Variants in ELP4 observed in about 807,000 individuals in gnomAD.
The protein encoded by ELP4 is elongator complex protein 4.
ELP4 carries 51 observed loss-of-function variants against 48.9 expected under a neutral mutation model. The ratio of observed to expected loss-of-function variants is 1.04; its 90% CI spans 0.83 to 1.32. The LOEUF (loss-of-function observed/expected upper bound fraction) is 1.32. ELP4 is among the 40% of genes most tolerant of loss of function. The pLI is 0.00. For missense variants in ELP4, 519 were observed against 514.6 expected (o/e 1.01, Z -0.08); for synonymous variants, 210 against 189.2 (o/e 1.11, Z -0.90).
At chr11:31,650,331 T>C in intron 9 of ELP4, 110 bp downstream of exon 9, 1 of 475,430 alleles carries the variant, frequency 2.1e-6, no homozygotes, top group Non-Finnish European at 3.8e-6. Context: ...AATGAAATTC[T>C]TAGGACATGT....
At chr11:31,606,567 A>G (rs1289941707) in intron 5 of ELP4, among the ~76,000 whole-genome samples, 1 of 152,214 alleles carries the variant, frequency 6.6e-6, no homozygotes, top group Admixed American at 6.5e-5. Context: ...AAATTCATAC[A>G]TACAGTTTAA....
intron 5 of ELP4, among the ~76,000 whole-genome samples, chr11:31,623,390 T>TATTATATATATATATATAA (rs67986763): frequency 2.2e-5 from 2 of 92,610 alleles, no homozygotes; most frequent in South Asian, 3.3e-4. Context: ...TATATATATA[T>TATTATATATATATATATAA]AAAACTAGAA....
intron 9 of ELP4, among the ~76,000 whole-genome samples, chr11:31,705,930 G>A (rs768009040): frequency 2.0e-5 from 3 of 152,066 alleles, no homozygotes; most frequent in Non-Finnish European, 2.9e-5. Context: ...ATAGCTCACT[G>A]TAACCTCAAA....
At chr11:31,576,570 A>T (rs956552563) in intron 3 of ELP4, among the ~76,000 whole-genome samples, 5 of 152,208 alleles carry the variant, frequency 3.3e-5, no homozygotes, top group Admixed American at 1.3e-4. Flanking sequence ...ATGTAAAAGA[A>T]CATAAATTAT....
chr11:31,548,923 G>T (rs1180686788), intron 3 of ELP4, among the ~76,000 whole-genome samples: 1 of 152,056 alleles, frequency 6.6e-6, no homozygotes. Flanking sequence ...TGGGAAAACT[G>T]GCTAGCCATA....
intron 7 of ELP4, among the ~76,000 whole-genome samples, chr11:31,640,441 A>C (rs1945071290): frequency 6.6e-6 from 1 of 151,956 alleles, no homozygotes; most frequent in African/African-American, 2.4e-5. Context: ...CATGCTTGTA[A>C]ACAATTACAA....
chr11:31,655,677 T>C (rs1424488679), intron 9 of ELP4, among the ~76,000 whole-genome samples: 1 of 151,992 alleles, frequency 6.6e-6, no homozygotes, highest in African/African-American at 2.4e-5. Flanking sequence ...AATCATGCGG[T>C]ATTAAAGTTA....
At chr11:31,665,599 T>C (rs1006585760) in intron 9 of ELP4, among the ~76,000 whole-genome samples, 1 of 151,764 alleles carries the variant, frequency 6.6e-6, no homozygotes, top group South Asian at 2.1e-4. Flanking sequence ...TCTTGCCAGT[T>C]CTTGAAACAT....
intron 9 of ELP4, among the ~76,000 whole-genome samples, chr11:31,738,877 G>C (rs1947383724): frequency 6.6e-6 from 1 of 152,136 alleles, no homozygotes; most frequent in African/African-American, 2.4e-5. Flanking sequence ...CAGTCAAACA[G>C]TCAAAAGCAG....
At chr11:31,616,240 A>G (rs1944480495) in intron 5 of ELP4, among the ~76,000 whole-genome samples, 2 of 152,108 alleles carry the variant, frequency 1.3e-5, no homozygotes, top group South Asian at 4.1e-4. Flanking sequence ...ATAAGGACAG[A>G]TACACAAACC....
chr11:31,644,227 AACAT>A lies in ELP4; in HGVS notation c.928-3506_928-3503del, dbSNP rs146607484. On this transcript the variant is annotated intron_variant, in intron 7 of 9. Transcript: ENST00000640961. ...GTACATACTTGGGTGATGTCATTAT[AACAT>A]ACATACACCATAAGCATTAATTTAC... Among the ~76,000 whole-genome samples the A allele has an allele frequency of 7.2e-5, 11 of 151,984 alleles. No homozygotes were observed. In the East Asian group the frequency reaches 2.1e-3, roughly 30 times the overall value.
chr11:31,758,273 G>A (rs904555355), intron 9 of ELP4, among the ~76,000 whole-genome samples: 2 of 152,128 alleles, frequency 1.3e-5, no homozygotes, highest in African/African-American at 2.4e-5. Flanking sequence ...TAAATTCCTC[G>A]AGGATTTTTT....
chr11:31,685,852 A>G lies in ELP4; in HGVS notation c.1143+35631A>G, dbSNP rs960478624. 1.6e-4 allele frequency among the ~76,000 whole-genome samples: 25 copies of G among 151,886 alleles called. 1 individual carries two copies. Among genetic ancestry groups the G allele is most frequent in the Admixed American group, 9.2e-4 (14 of 15,242 alleles). ...AGGCTGAGGCAGGAGAATCACTTCAACCTGGGAGGCGGAGGTTACAGTGAT... is the reference window on the plus strand; with the variant it reads ...AGGCTGAGGCAGGAGAATCACTTCAGCCTGGGAGGCGGAGGTTACAGTGAT... On this transcript the variant is annotated intron_variant, in intron 9 of 9. Transcript: ENST00000640961.
intron 2 of ELP4, among the ~76,000 whole-genome samples, chr11:31,532,936 T>C (rs1956422450): frequency 6.6e-6 from 1 of 151,954 alleles, no homozygotes; most frequent in Non-Finnish European, 1.5e-5. Context: ...CACGCCTGGC[T>C]AATTTTGTAT....
chr11:31,643,107 G>A (rs1945131817), intron 7 of ELP4, among the ~76,000 whole-genome samples: 2 of 151,520 alleles, frequency 1.3e-5, no homozygotes, highest in African/African-American at 4.8e-5. Context: ...TTTCTTGTGG[G>A]TACTCCCCTC....
chr11:31,684,107 G>C (rs1052904432), intron 9 of ELP4, among the ~76,000 whole-genome samples: 1 of 151,984 alleles, frequency 6.6e-6, no homozygotes, highest in East Asian at 1.9e-4. Flanking sequence ...ATATAAATTG[G>C]TATGTCACTT....
intron 2 of ELP4, among the ~76,000 whole-genome samples, chr11:31,535,529 G>A (rs1956485268): frequency 6.6e-6 from 1 of 152,008 alleles, no homozygotes. Flanking sequence ...ATTTTTTGTA[G>A]AGCTGAGGTA....
intron 9 of ELP4, among the ~76,000 whole-genome samples, chr11:31,731,182 A>T (rs1019816674): frequency 2.6e-5 from 4 of 152,182 alleles, no homozygotes; most frequent in African/African-American, 9.7e-5. Flanking sequence ...TAAGAACGTG[A>T]AGAAACAGGG....
At position 31,511,326 on chromosome 11, in the gene ELP4, A is replaced by G. The variant is rs187907704; in HGVS notation, c.223+1319A>G. 2.0e-5 allele frequency: 3 copies of G among 152,182 alleles called. No individual in the cohort carries two copies. In the East Asian group the frequency reaches 5.8e-4, roughly 29 times the overall value. The allele number at this position is 152,182 out of a possible 1,614,324, so 9.4% of individuals were successfully genotyped here. A position where few individuals can be genotyped will look rare whatever the true frequency, so the allele number is the denominator to read the frequency against. ...TGGTAGCTATTTCTAGGCCTTATAT[A>G]TTTTTTAATTCAATGGGATATGTAA... is the stretch of plus-strand genomic sequence containing the variant. On this transcript the variant is annotated intron_variant, in intron 1 of 9. Transcript: ENST00000640961.
Sources: allele counts gnomAD v4.1 joint callset (sites outside exome capture counted in the v4.1 genomes callset), GRCh38; gene constraint gnomAD v4.1.1; transcripts MANE v1.5; gene names NCBI Gene and HGNC (gene_info 2026-07-23, HGNC 2026-07-21).